ACACA: variants seen among roughly 807,000 people sequenced by gnomAD.
ACACA encodes acetyl-CoA carboxylase 1.
A neutral mutation model predicts 296.1 loss-of-function variants in ACACA; 103 were observed. That is an observed-to-expected ratio of 0.35 (90% CI 0.30 to 0.41). ACACA has a LOEUF of 0.41. Among genes scored for constraint, ACACA ranks in the 10% least tolerant of loss-of-function variants. ACACA has a pLI of 1.00. For synonymous variants in ACACA, 953 were observed against 1,038.6 expected (o/e 0.92, Z 1.58); for missense variants, 1,554 against 2,989.7 (o/e 0.52, Z 11.20).
Position 37,398,143 on chromosome 17 carries a change from T to C in ACACA, c.38+8119A>G, listed in dbSNP as rs192307135. On this transcript the variant is annotated intron_variant, in intron 1 of 55. Transcript: ENST00000616317. ...TACTCAGGAGCCTGAGGCAGGAGAA[T>C]CACTTGAACCAGGTAGGCGGAGGTT... 4.4e-4 allele frequency among the ~76,000 whole-genome samples: 65 copies of C among 146,970 alleles called. 2 individuals carry two copies. In the East Asian group the frequency reaches 0.013, roughly 30 times the overall value.
intron 1 of ACACA, among the ~76,000 whole-genome samples, chr17:37,384,560 A>G (rs1162733871): frequency 6.7e-6 from 1 of 150,338 alleles, no homozygotes; most frequent in African/African-American, 2.4e-5. Flanking sequence ...CATCTTACAG[A>G]TTAAAAAAAA....
intron 14 of ACACA, among the ~76,000 whole-genome samples, chr17:37,254,380 GTCC>G (rs983717809): frequency 3.9e-5 from 6 of 152,100 alleles, no homozygotes; most frequent in African/African-American, 1.4e-4. Flanking sequence ...GCCCACCTCT[GTCC>G]TCCTTTCTGT....
rs144163401 is a variant in ACACA at position 37,147,346 on chromosome 17, A to G, written c.5679+2518T>C. ...AGGGGGATCTATACGCAAGACACAGACACAAAGAGACAGAAAGATCAGCAC... is the reference window on the plus strand; with the variant it reads ...AGGGGGATCTATACGCAAGACACAGGCACAAAGAGACAGAAAGATCAGCAC... On this transcript the variant is annotated intron_variant, in intron 45 of 55. Transcript: ENST00000616317. 4.6e-5 allele frequency among the ~76,000 whole-genome samples: 7 copies of G among 152,302 alleles called. No individual in the cohort carries two copies. In the East Asian group the frequency reaches 1.4e-3, roughly 29 times the overall value.
intron 25 of ACACA, among the ~76,000 whole-genome samples, chr17:37,232,386 C>T (rs1375323815): frequency 6.6e-6 from 1 of 152,096 alleles, no homozygotes; most frequent in Non-Finnish European, 1.5e-5. Flanking sequence ...AAAGTGCTAC[C>T]ATGTGCAGGT....
At chr17:37,121,300 C>T (rs531764529) in intron 50 of ACACA, 55 bp downstream of exon 50, 28 of 1,612,486 alleles carry the variant, frequency 1.7e-5, no homozygotes, top group African/African-American at 5.3e-5. Flanking sequence ...CTCCCTCTGC[C>T]GCAGAGTGCC....
chr17:37,386,178 G>A lies in ACACA; in HGVS notation c.38+20084C>T, dbSNP rs922800505. Reference sequence around the variant, plus strand: ...AGTACAGAATAAGTAGGAGTAAAATGGGAACAGAAAAGAAACATTTTTAGC... The same window carrying A: ...AGTACAGAATAAGTAGGAGTAAAATAGGAACAGAAAAGAAACATTTTTAGC... On this transcript the variant is annotated intron_variant, in intron 1 of 55. Transcript: ENST00000616317. The A allele has an allele frequency of 8.3e-6, 10 of 1,207,930 alleles. No homozygotes were observed. In the African/African-American group the frequency reaches 1.1e-4, roughly 13 times the overall value. The allele number at this position is 1,207,930 out of a possible 1,614,324, so 74.8% of individuals were successfully genotyped here. A position where few individuals can be genotyped will look rare whatever the true frequency, so the allele number is the denominator to read the frequency against.
At chr17:37,132,880 A>T (rs1237318950) in intron 45 of ACACA, among the ~76,000 whole-genome samples, 2 of 152,172 alleles carry the variant, frequency 1.3e-5, no homozygotes. Flanking sequence ...TATTTTTACA[A>T]AATAATGGGA....
intron 29 of ACACA, among the ~76,000 whole-genome samples, chr17:37,221,109 C>A: frequency 6.6e-6 from 1 of 152,090 alleles, no homozygotes; most frequent in East Asian, 1.9e-4. Context: ...AAAAGCAATT[C>A]TGAAACAAAA....
chr17:37,225,845 T>C (rs1398849672), intron 26 of ACACA, among the ~76,000 whole-genome samples: 2 of 152,210 alleles, frequency 1.3e-5, no homozygotes, highest in East Asian at 1.9e-4. Flanking sequence ...TGAAACCTTT[T>C]GGAATGGAAA....
At chr17:37,139,035 G>C (rs985325149) in intron 45 of ACACA, among the ~76,000 whole-genome samples, 3 of 152,106 alleles carry the variant, frequency 2.0e-5, no homozygotes, top group African/African-American at 7.2e-5. Context: ...GGGGTTGGGG[G>C]AGAAGAAAGG....
rs938555802 is a variant in ACACA at position 37,263,797 on chromosome 17, T to C, written c.1217A>G (p.Asn406Ser). The C allele has an allele frequency of 4.3e-6, 7 of 1,613,980 alleles. No homozygotes were observed. Among genetic ancestry groups the C allele is most frequent in the African/African-American group, 1.3e-5 (1 of 74,912 alleles). The change falls in exon 11 of 56, where the codon AAT (asparagine) becomes AGT (serine). Residue 406 changes from asparagine (N) to serine (S), a missense_variant. Transcript: ENST00000616317. ...ATCACGACCAAACAAAGAGATAGCA[T>C]TGCCATATTGGTCCGCTAAGATCTG... ...EVQILADQYG[N>S]AISLFGRDCS...
chr17:37,321,701 T>C (rs891067570), intron 3 of ACACA, among the ~76,000 whole-genome samples: 2 of 151,926 alleles, frequency 1.3e-5, no homozygotes, highest in African/African-American at 2.4e-5. Context: ...TGAGCCGAGA[T>C]TGCGCCACTG....
intron 1 of ACACA, among the ~76,000 whole-genome samples, chr17:37,342,126 T>C (rs973623444): frequency 5.3e-5 from 8 of 151,804 alleles, no homozygotes; most frequent in African/African-American, 1.5e-4. Flanking sequence ...ATATATCATG[T>C]GGCCAGGCGC....
intron 3 of ACACA, chr17:37,299,735 C>G (rs563060221): frequency 7.3e-5 from 73 of 1,001,930 alleles, no homozygotes; most frequent in Non-Finnish European, 8.4e-5. Flanking sequence ...TGACAGTCAA[C>G]GGAGAAAAGC....
intron 50 of ACACA, among the ~76,000 whole-genome samples, chr17:37,121,095 C>G (rs2074505574): frequency 6.6e-6 from 1 of 151,418 alleles, no homozygotes; most frequent in Admixed American, 6.6e-5. Flanking sequence ...GTCCAGCATC[C>G]ATCTGTGAGA....
intron 19 of ACACA, 123 bp from the exon 20 acceptor site, chr17:37,245,337 G>C: frequency 2.1e-6 from 2 of 974,194 alleles, no homozygotes; most frequent in South Asian, 2.8e-5. Context: ...AAGAAAAAAT[G>C]GGAATTTACC....
intron 29 of ACACA, among the ~76,000 whole-genome samples, chr17:37,216,317 A>G (rs1598207065): frequency 6.6e-6 from 1 of 151,888 alleles, no homozygotes; most frequent in Non-Finnish European, 1.5e-5. Context: ...CCAGACCAGA[A>G]GCTTGCCTGA....
At chr17:37,139,514 T>C (rs1204923622) in intron 45 of ACACA, among the ~76,000 whole-genome samples, 1 of 152,206 alleles carries the variant, frequency 6.6e-6, no homozygotes, top group Non-Finnish European at 1.5e-5. Flanking sequence ...GGGGTTTGAG[T>C]ACCTAAGTCT....
In ACACA at chr17:37,189,267, G is replaced by T. The variant is rs55657024; in HGVS notation, c.4573-787C>A. On this transcript the variant is annotated intron_variant, in intron 38 of 55. Coordinates refer to ENST00000616317, the MANE Select transcript of ACACA (RefSeq NM_198834.3). The stretch of plus-strand genomic sequence containing the variant: ...GGCTGCACAGAACATAATGCAGCTA[G>T]AACATGCTATTCGAACTTAATGTAT... 1.1e-3 allele frequency among the ~76,000 whole-genome samples: 168 copies of T among 152,300 alleles called. 1 individual carries two copies. The highest frequency in any genetic ancestry group is 4.0e-3 in the African/African-American group (165 of 41,562).
Sources: allele counts gnomAD v4.1 joint callset (sites outside exome capture counted in the v4.1 genomes callset), GRCh38; gene constraint gnomAD v4.1.1; transcripts MANE v1.5; gene names NCBI Gene and HGNC (gene_info 2026-07-23, HGNC 2026-07-21).